GARIN1A: variants seen among roughly 807,000 people sequenced by gnomAD.
GARIN1A encodes Golgi-associated RAB2 interactor protein 1A.
At chr7:128,679,921 G>C in the GARIN1A span, 2 of 573,334 alleles carry the variant, frequency 3.5e-6, no homozygotes, top group Non-Finnish European at 6.0e-6. Context: ...CCCAGGGTTA[G>C]GGTGTGAAAC....
the GARIN1A span, among the ~76,000 whole-genome samples, chr7:128,677,277 G>T: frequency 2.0e-5 from 3 of 151,908 alleles, no homozygotes; most frequent in African/African-American, 7.3e-5. Context: ...GGAGGCCGAG[G>T]CGGGCGGATC....
the GARIN1A span, among the ~76,000 whole-genome samples, chr7:128,704,437 T>A: frequency 6.6e-6 from 1 of 152,032 alleles, no homozygotes; most frequent in East Asian, 1.9e-4. Flanking sequence ...CCCAAGTAGC[T>A]GGGATTACAG....
At chr7:128,682,435 C>G in the GARIN1A span, among the ~76,000 whole-genome samples, 1 of 152,214 alleles carries the variant, frequency 6.6e-6, no homozygotes, top group African/African-American at 2.4e-5. Flanking sequence ...GCTCCCTCCT[C>G]CTCCTCTGTG....
At chr7:128,701,358 A>G in the GARIN1A span, among the ~76,000 whole-genome samples, 7 of 19,746 alleles carry the variant, frequency 3.5e-4, no homozygotes, top group Non-Finnish European at 4.8e-4. Flanking sequence ...GGGGAGGGGA[A>G]GGGGAGGGGA....
the GARIN1A span, among the ~76,000 whole-genome samples, chr7:128,678,365 A>G: frequency 7.2e-5 from 11 of 152,196 alleles, no homozygotes; most frequent in Non-Finnish European, 1.5e-4. Flanking sequence ...AAGCATTTAT[A>G]TGTATGATCT....
At chr7:128,674,201 A>T in the GARIN1A span, among the ~76,000 whole-genome samples, 4 of 152,168 alleles carry the variant, frequency 2.6e-5, no homozygotes, top group Non-Finnish European at 5.9e-5. Context: ...AGATTCTCTG[A>T]ATGGACACTA....
chr7:128,699,660 T>A, the GARIN1A span, among the ~76,000 whole-genome samples: 2 of 152,228 alleles, frequency 1.3e-5, no homozygotes, highest in Non-Finnish European at 2.9e-5. Flanking sequence ...CTTATAAATT[T>A]CCCTATGTAC....
the GARIN1A span, among the ~76,000 whole-genome samples, chr7:128,701,420 A>G: frequency 5.0e-3 from 12 of 2,398 alleles, no homozygotes; most frequent in Admixed American, 9.5e-3. Flanking sequence ...GAAGGGGAGG[A>G]GAGGGGAAGG....
the GARIN1A span, among the ~76,000 whole-genome samples, chr7:128,703,660 C>G: frequency 6.6e-6 from 1 of 152,036 alleles, no homozygotes; most frequent in Non-Finnish European, 1.5e-5. Context: ...GCTTATAGTC[C>G]TACTGACTCG....
the GARIN1A span, among the ~76,000 whole-genome samples, chr7:128,697,067 G>A: frequency 1.3e-5 from 2 of 152,280 alleles, no homozygotes; most frequent in South Asian, 4.1e-4. Context: ...TCACAGTTTG[G>A]AAAATCATTA....
chr7:128,683,197 C>G, the GARIN1A span: 32 of 1,465,002 alleles, frequency 2.2e-5, no homozygotes, highest in Non-Finnish European at 3.0e-5. Context: ...CATACGTGTA[C>G]TTGCTACCAC....
chr7:128,696,272 G>C, the GARIN1A span, among the ~76,000 whole-genome samples: 1 of 152,132 alleles, frequency 6.6e-6, no homozygotes, highest in Non-Finnish European at 1.5e-5. Context: ...TCCTGCCTCA[G>C]CCTCCCAAGT....
the GARIN1A span, among the ~76,000 whole-genome samples, chr7:128,707,216 A>ATGTGTGTGTGTGTGTGTGTGTG: frequency 1.1e-4 from 5 of 47,370 alleles, no homozygotes; most frequent in African/African-American, 3.8e-4. Flanking sequence ...TATTGTGTGT[A>ATGTGTGTGTGTGTGTGTGTGTG]TGTATGTGTG....
chr7:128,698,233 G>A, the GARIN1A span, among the ~76,000 whole-genome samples: 1 of 152,162 alleles, frequency 6.6e-6, no homozygotes, highest in Non-Finnish European at 1.5e-5. Context: ...GACCTCCCCA[G>A]TGCTTCTCTG....
chr7:128,673,147 C>T, the GARIN1A span, among the ~76,000 whole-genome samples: 3 of 152,108 alleles, frequency 2.0e-5, no homozygotes, highest in Non-Finnish European at 4.4e-5. Flanking sequence ...CATGCTCCTG[C>T]GCAGGAGAGC....
the GARIN1A span, among the ~76,000 whole-genome samples, chr7:128,678,799 CA>C: frequency 0.015 from 1,207 of 80,630 alleles, 10 homozygotes; most frequent in African/African-American, 0.047. Flanking sequence ...AACTCCATCT[CA>C]AAAAAAAAAA....
the GARIN1A span, among the ~76,000 whole-genome samples, chr7:128,681,885 C>G: frequency 2.0e-5 from 3 of 147,494 alleles, no homozygotes; most frequent in Middle Eastern, 3.3e-3. Context: ...CACTGCACCC[C>G]CCCCCACAAC....
At chr7:128,707,972 TTCTC>T in the GARIN1A span, among the ~76,000 whole-genome samples, 2 of 150,738 alleles carry the variant, frequency 1.3e-5, no homozygotes, top group Non-Finnish European at 3.0e-5. Context: ...CCTCCTTTAT[TTCTC>T]TCTCTCTCTT....
At chr7:128,707,300 G>C in the GARIN1A span, among the ~76,000 whole-genome samples, 1 of 150,968 alleles carries the variant, frequency 6.6e-6, no homozygotes, top group Non-Finnish European at 1.5e-5. Flanking sequence ...TAACTATATA[G>C]TACAGCATTG....
Sources: allele counts gnomAD v4.1 joint callset (sites outside exome capture counted in the v4.1 genomes callset), GRCh38; gene constraint gnomAD v4.1.1; transcripts MANE v1.5; gene names NCBI Gene and HGNC (gene_info 2026-07-23, HGNC 2026-07-21).